The following ADAM28 variants were observed in gnomAD, a reference collection of about 807,000 sequenced individuals.
ADAM28 encodes ADAM metallopeptidase domain 28, also known as disintegrin and metalloproteinase domain-containing protein 28.
Under a neutral mutation model 101.2 loss-of-function variants are expected in ADAM28, and 105 were observed. That is an observed-to-expected ratio of 1.04 (90% CI 0.89 to 1.22). The LOEUF (loss-of-function observed/expected upper bound fraction) is 1.22. ADAM28 is among the 50% of genes most tolerant of loss of function. ADAM28 has a pLI of 0.00. For synonymous variants in ADAM28, 322 were observed against 310.6 expected (o/e 1.04, Z -0.39); for missense variants, 1,028 against 945.4 (o/e 1.09, Z -1.15).
Position 24,341,649 on chromosome 8 carries a change from C to T in ADAM28, c.1722C>T (p.Pro574=), listed in dbSNP as rs946178205. Residue 574 remains proline, a synonymous_variant, in exon 16 of 23, where the codon CCC becomes CCT. Coordinates refer to ENST00000265769, the MANE Select transcript of ADAM28 (RefSeq NM_014265.6). ...LFCQGGSDNL[P]WKGRIVTFLT... ...GTCAAGGTGGGTCGGATAATTTGCC[C>T]TGGAAAGGACGGATAGTGACTTTCC... is the stretch of plus-strand genomic sequence containing the variant. The T allele has an allele frequency of 5.0e-6, 8 of 1,613,682 alleles. No individual in the cohort carries two copies. Among genetic ancestry groups the T allele is most frequent in the Non-Finnish European group, 5.9e-6 (7 of 1,179,808 alleles).
At chr8:24,304,042 C>T (rs998644733) in intron 2 of ADAM28, among the ~76,000 whole-genome samples, 1 of 151,864 alleles carries the variant, frequency 6.6e-6, no homozygotes, top group African/African-American at 2.4e-5. Context: ...TACACACACA[C>T]ACACATGCAC....
chr8:24,347,642 A>G (rs1285302947), intron 18 of ADAM28, among the ~76,000 whole-genome samples: 2 of 152,118 alleles, frequency 1.3e-5, no homozygotes, highest in African/African-American at 4.8e-5. Flanking sequence ...GTAATTGTGA[A>G]TTTGATTACT....
intron 13 of ADAM28, among the ~76,000 whole-genome samples, chr8:24,333,819 A>G (rs957692856): frequency 2.6e-5 from 4 of 152,102 alleles, no homozygotes; most frequent in Non-Finnish European, 5.9e-5. Context: ...CAAGTTTAGT[A>G]TTTAACTTTC....
At chr8:24,342,857 G>T (rs1814950133) in intron 16 of ADAM28, 1 of 536,140 alleles carries the variant, frequency 1.9e-6, no homozygotes, top group Non-Finnish European at 3.1e-6. Context: ...TTGCTTCTGG[G>T]ATATACAGTT....
At chr8:24,301,228 C>T (rs1343631628) in intron 2 of ADAM28, among the ~76,000 whole-genome samples, 2 of 152,176 alleles carry the variant, frequency 1.3e-5, no homozygotes, top group African/African-American at 4.8e-5. Context: ...GACCCCATTT[C>T]CCAAAATAAT....
intron 6 of ADAM28, among the ~76,000 whole-genome samples, chr8:24,314,625 A>C (rs781223220): frequency 2.6e-5 from 4 of 152,078 alleles, no homozygotes; most frequent in Non-Finnish European, 5.9e-5. Context: ...CAGCAAGTTC[A>C]GTAGTAAAGG....
At chr8:24,350,023 T>C (rs762689068) in intron 19 of ADAM28, 51 bp downstream of exon 19, 198 of 1,532,458 alleles carry the variant, frequency 1.3e-4, no homozygotes, top group Non-Finnish European at 1.7e-4. Context: ...CCTATTTTAC[T>C]TTACTTTAAA....
intron 5 of ADAM28, among the ~76,000 whole-genome samples, chr8:24,312,822 C>T (rs1306697726): frequency 6.6e-6 from 1 of 152,034 alleles, no homozygotes; most frequent in South Asian, 2.1e-4. Context: ...TGGTTCAAGG[C>T]TTTAGCAGAG....
intron 17 of ADAM28, 25 bp downstream of exon 17, chr8:24,343,206 T>G: frequency 6.2e-7 from 1 of 1,607,548 alleles, no homozygotes; most frequent in Non-Finnish European, 8.5e-7. Context: ...TATGTTTCCC[T>G]AAGCTCTCTG....
At chr8:24,328,488 T>C (rs117766932) in intron 10 of ADAM28, among the ~76,000 whole-genome samples, 6 of 151,948 alleles carry the variant, frequency 3.9e-5, no homozygotes, top group Non-Finnish European at 8.8e-5. Context: ...TTTTCAAACT[T>C]GAAATAGCTT....
intron 10 of ADAM28, among the ~76,000 whole-genome samples, chr8:24,329,558 T>A (rs1028778929): frequency 2.0e-5 from 3 of 152,110 alleles, no homozygotes; most frequent in African/African-American, 7.2e-5. Flanking sequence ...TTGGCAATTA[T>A]GGAATTGAGA....
Position 24,349,911 on chromosome 8 carries a change from G to T in ADAM28, c.2038G>T (p.Val680Leu), listed in dbSNP as rs79454861. 5.0e-6 allele frequency: 8 copies of T among 1,613,610 alleles called. No individual in the cohort carries two copies. Among genetic ancestry groups the T allele is most frequent in the Admixed American group, 3.3e-5 (2 of 59,972 alleles). The change falls in exon 19 of 23, where the codon GTG (valine) becomes TTG (leucine). Residue 680 changes from valine (V) to leucine (L), a missense_variant. By Grantham distance (32) the Val-to-Leu change is conservative. Transcript: ENST00000265769. Reference sequence around the variant, plus strand: ...GCTGTTCCCAATGGCGGTCATTTTTGTGGTGGTTGCTATGGTAATCCGGCA... The same window carrying T: ...GCTGTTCCCAATGGCGGTCATTTTTTTGGTGGTTGCTATGGTAATCCGGCA... ...GVLFPMAVIF[V>L]VVAMVIRHQS...
intron 8 of ADAM28, among the ~76,000 whole-genome samples, chr8:24,321,821 C>T (rs571525775): frequency 6.6e-6 from 1 of 151,944 alleles, no homozygotes; most frequent in Non-Finnish European, 1.5e-5. Context: ...GATTTCCAAA[C>T]CCATTTGAGT....
chr8:24,330,169 T>G (rs1813184657), intron 11 of ADAM28, 54 bp downstream of exon 11: 1 of 1,571,848 alleles, frequency 6.4e-7, no homozygotes. Context: ...TTTGATCCAC[T>G]GTGGGCTGTA....
At chr8:24,327,691 A>G (rs1812805281) in intron 10 of ADAM28, among the ~76,000 whole-genome samples, 3 of 152,152 alleles carry the variant, frequency 2.0e-5, no homozygotes, top group South Asian at 2.1e-4. Flanking sequence ...AAACAGATAT[A>G]TAGACCAATG....
rs534776893 is a variant in ADAM28 at position 24,357,110 on chromosome 8, C to G, written c.*2706C>G. The G allele has an allele frequency of 1.3e-4, 13 of 99,250 alleles. No homozygotes were observed. The East Asian group carries it at 4.0e-3, about 31-fold the overall frequency. 6.1% of individuals were successfully genotyped at this position (99,250 alleles called of 1,614,324 possible). On this transcript the variant is annotated 3_prime_UTR_variant, in exon 23 of 23. Transcript: ENST00000265769. ...CAAATGAAGTGAAGTCTACCAATAA[C>G]CACTGAATAAGCTTGGAATTTTAGA...
chr8:24,312,898 T>C (rs1411682362), intron 5 of ADAM28, among the ~76,000 whole-genome samples: 1 of 152,176 alleles, frequency 6.6e-6, no homozygotes, highest in African/African-American at 2.4e-5. Flanking sequence ...ATTCAATCTT[T>C]ACTATCACTA....
chr8:24,317,712 G>T (rs1272228417), intron 6 of ADAM28, among the ~76,000 whole-genome samples: 1 of 151,864 alleles, frequency 6.6e-6, no homozygotes, highest in Non-Finnish European at 1.5e-5. Context: ...CTTCTGCACA[G>T]CAAAGCAAAC....
At position 24,323,865 on chromosome 8, in the gene ADAM28, T is replaced by C. The variant is rs758962151; in HGVS notation, c.752T>C (p.Leu251Ser). 4 of 1,612,074 alleles carry C rather than the reference T, an allele frequency of 2.5e-6. No individual in the cohort carries two copies. Among genetic ancestry groups the C allele is most frequent in the Non-Finnish European group, 3.4e-6 (4 of 1,178,706 alleles). Residue 251 changes from leucine to serine, a missense_variant, in exon 9 of 23, where the codon TTA (leucine) becomes TCA (serine). By Grantham distance (145) the Leu-to-Ser change is moderately radical (BLOSUM62 -2). Coordinates refer to ENST00000265769, the MANE Select transcript of ADAM28 (RefSeq NM_014265.6). ...AAAAAGCTCAATACTCATGTGGCCT[T>C]AGTTGGTATGGAAATCTGGACTGAC... ...LYKKLNTHVA[L>S]VGMEIWTDKD... is the part of the protein sequence containing the mutation.
Sources: allele counts gnomAD v4.1 joint callset (sites outside exome capture counted in the v4.1 genomes callset), GRCh38; gene constraint gnomAD v4.1.1; transcripts MANE v1.5; gene names NCBI Gene and HGNC (gene_info 2026-07-23, HGNC 2026-07-21).